SUDS3: variants seen among roughly 807,000 people sequenced by gnomAD.
SUDS3 encodes the protein sin3 histone deacetylase corepressor complex component SDS3.
SUDS3 carries 23 observed loss-of-function variants against 53.5 expected under a neutral mutation model. The ratio of observed to expected loss-of-function variants is 0.43; its 90% CI spans 0.31 to 0.61. The LOEUF (loss-of-function observed/expected upper bound fraction) is 0.61. Among genes scored for constraint, SUDS3 ranks in the 20% least tolerant of loss-of-function variants. The pLI is 0.10. For missense variants in SUDS3, 291 were observed against 405.9 expected, an observed-to-expected ratio of 0.72 and a Z score of 2.43; for synonymous variants, 150 against 148.5, an observed-to-expected ratio of 1.01 and a Z score of -0.08.
chr12:118,412,653 G>A (rs1457674617), intron 11 of SUDS3, among the ~76,000 whole-genome samples: 2 of 152,198 alleles, frequency 1.3e-5, no homozygotes, highest in Admixed American at 6.5e-5. Context: ...TGTTCCACAA[G>A]CACATGTGGC....
At chr12:118,396,419 T>G (rs369691644) in intron 6 of SUDS3, among the ~76,000 whole-genome samples, 3 of 151,932 alleles carry the variant, frequency 2.0e-5, no homozygotes, top group Admixed American at 6.6e-5. Context: ...GCCCAGCTAG[T>G]TTTTTGTATT....
intron 6 of SUDS3, among the ~76,000 whole-genome samples, chr12:118,397,218 G>A (rs1050788367): frequency 1.3e-5 from 2 of 152,124 alleles, no homozygotes; most frequent in African/African-American, 4.8e-5. Flanking sequence ...CCCTGCTCAG[G>A]TGTCTTCTCT....
chr12:118,410,858 A>C (rs947573875), intron 10 of SUDS3, among the ~76,000 whole-genome samples: 7 of 152,082 alleles, frequency 4.6e-5, no homozygotes, highest in African/African-American at 1.7e-4. Flanking sequence ...CGGCCTCCCA[A>C]AGTGCTGGGA....
intron 1 of SUDS3, among the ~76,000 whole-genome samples, chr12:118,379,751 G>T (rs994560485): frequency 6.6e-6 from 1 of 152,180 alleles, no homozygotes; most frequent in African/African-American, 2.4e-5. Flanking sequence ...TGCAGAAGTA[G>T]CAGCCTTCAC....
chr12:118,411,734 C>A (rs563151607), intron 11 of SUDS3, among the ~76,000 whole-genome samples: 2 of 151,870 alleles, frequency 1.3e-5, no homozygotes, highest in Non-Finnish European at 2.9e-5. Context: ...AACTCCTGAC[C>A]CCGTGGTCTA....
chr12:118,379,000 T>TG (rs2046029247), intron 1 of SUDS3, among the ~76,000 whole-genome samples: 1 of 148,872 alleles, frequency 6.7e-6, no homozygotes, highest in Non-Finnish European at 1.5e-5. Flanking sequence ...TTAGTAGAGA[T>TG]GGGGTTTCAC....
intron 2 of SUDS3, among the ~76,000 whole-genome samples, chr12:118,383,765 T>C (rs1384422029): frequency 1.3e-5 from 2 of 152,220 alleles, no homozygotes; most frequent in African/African-American, 2.4e-5. Flanking sequence ...TCTGTAAAGA[T>C]GGGATAACAT....
In SUDS3 at chr12:118,380,071, C is replaced by T. The variant is rs758374839; in HGVS notation, c.143-91C>T. 59 of 988,940 alleles carry T rather than the reference C, an allele frequency of 6.0e-5. No individual in the cohort carries two copies. The Middle Eastern group carries it at 8.5e-4, about 14-fold the overall frequency. 61.3% of individuals were successfully genotyped at this position (988,940 alleles called of 1,614,324 possible). ...CTGCCTTGAATAGAAATTGATTTTACGGGAGTTTATTGAGTGCATACTCTG... is the reference window on the plus strand; with the variant it reads ...CTGCCTTGAATAGAAATTGATTTTATGGGAGTTTATTGAGTGCATACTCTG... On this transcript the variant is annotated intron_variant, in intron 1 of 11. Coordinates refer to ENST00000543473, the MANE Select transcript of SUDS3 (RefSeq NM_022491.3).
Position 118,391,209 on chromosome 12 carries a change from G to A in SUDS3, c.444G>A (p.Glu148=). 6.2e-7 allele frequency: 1 copy of A among 1,613,776 alleles called. No individual in the cohort carries two copies. Among genetic ancestry groups the A allele is most frequent in the Non-Finnish European group, 8.5e-7 (1 of 1,179,860 alleles). The change falls in exon 6 of 12, where the codon GAG becomes GAA. Residue 148 remains glutamate (E), a synonymous_variant. Coordinates refer to ENST00000543473, the MANE Select transcript of SUDS3 (RefSeq NM_022491.3). ...AAGACAAGAAGGTTGAGCTGAAAGA[G>A]AACCTGATTGCTGAGCTAGAAGAAA... ...EFEDKKVELK[E]NLIAELEEKK... is the part of the protein sequence containing the mutation.
intron 2 of SUDS3, among the ~76,000 whole-genome samples, chr12:118,382,747 A>T (rs1310970257): frequency 6.6e-6 from 1 of 150,746 alleles, no homozygotes; most frequent in Admixed American, 6.6e-5. Flanking sequence ...GGCTCACTGC[A>T]ACCTCCAGCC....
intron 6 of SUDS3, among the ~76,000 whole-genome samples, chr12:118,396,386 G>A (rs1362379960): frequency 6.6e-6 from 1 of 152,060 alleles, no homozygotes; most frequent in African/African-American, 2.4e-5. Flanking sequence ...CAAGTAGCTG[G>A]GACTACAGGC....
intron 2 of SUDS3, among the ~76,000 whole-genome samples, chr12:118,381,349 C>T (rs2046057209): frequency 6.6e-6 from 1 of 151,860 alleles, no homozygotes; most frequent in South Asian, 2.1e-4. Context: ...GGATTATAGA[C>T]ATGCACCACC....
chr12:118,406,494 A>AAAAT (rs2046309640), intron 10 of SUDS3, among the ~76,000 whole-genome samples: 1 of 152,196 alleles, frequency 6.6e-6, no homozygotes, highest in Non-Finnish European at 1.5e-5. Flanking sequence ...TTGCTTTTCG[A>AAAAT]AAATAGTACA....
intron 10 of SUDS3, among the ~76,000 whole-genome samples, chr12:118,408,106 C>T (rs972137841): frequency 5.9e-5 from 9 of 152,044 alleles, no homozygotes; most frequent in East Asian, 3.9e-4. Context: ...TCACCATGTT[C>T]GCCAGGATGG....
At chr12:118,389,871 T>C (rs1236786982) in intron 4 of SUDS3, 56 bp from the exon 5 acceptor site, 3 of 1,607,420 alleles carry the variant, frequency 1.9e-6, no homozygotes, top group Non-Finnish European at 2.6e-6. Context: ...CTAACATCAC[T>C]GTCTAGAAAG....
intron 2 of SUDS3, 90 bp from the exon 3 acceptor site, chr12:118,383,922 T>A (rs1340638405): frequency 7.2e-6 from 9 of 1,249,434 alleles, no homozygotes; most frequent in Non-Finnish European, 1.0e-5. Context: ...GACCTTCCCA[T>A]AACAGCCCAG....
rs552813573 is a variant in SUDS3, at chr12:118,386,513, G to A, written c.340+328G>A. Among the ~76,000 whole-genome samples, 126 of 152,256 alleles carry A rather than the reference G, an allele frequency of 8.3e-4. 1 individual carries two copies. Among genetic ancestry groups the A allele is most frequent in the African/African-American group, 2.8e-3 (115 of 41,558 alleles). On this transcript the variant is annotated intron_variant, in intron 4 of 11. Transcript: ENST00000543473. ...GATGTACAGTCAGAAGTGCGGATGA[G>A]GAAAAGGATTGTAGGTTGTTTTTGT...
intron 5 of SUDS3, 107 bp downstream of exon 5, chr12:118,390,053 C>A: frequency 1.5e-6 from 2 of 1,346,702 alleles, no homozygotes; most frequent in Non-Finnish European, 2.1e-6. Context: ...AGTTTGGAAG[C>A]CTTCACCACT....
chr12:118,405,371 G>T (rs939110083), intron 10 of SUDS3, among the ~76,000 whole-genome samples: 1 of 152,188 alleles, frequency 6.6e-6, no homozygotes, highest in Non-Finnish European at 1.5e-5. Context: ...GACATGTCTT[G>T]AGGGTGAAAA....
Sources: allele counts gnomAD v4.1 joint callset (sites outside exome capture counted in the v4.1 genomes callset), GRCh38; gene constraint gnomAD v4.1.1; transcripts MANE v1.5; gene names NCBI Gene and HGNC (gene_info 2026-07-23, HGNC 2026-07-21).